PTPRG: variants seen among roughly 807,000 people sequenced by gnomAD.
PTPRG encodes protein tyrosine phosphatase receptor type G.
Under a neutral mutation model 165.3 loss-of-function variants are expected in PTPRG, and 102 were observed. The ratio of observed to expected loss-of-function variants is 0.62; its 90% confidence interval spans 0.53 to 0.73. The LOEUF (loss-of-function observed/expected upper bound fraction) is 0.73. PTPRG is among the 30% of genes least tolerant of loss of function. PTPRG has a pLI of 0.00. For missense variants in PTPRG, 1,866 were observed against 1,861.4 expected (o/e 1.00, Z -0.05); for synonymous variants, 675 against 669.5 (o/e 1.01, Z -0.13).
intron 2 of PTPRG, among the ~76,000 whole-genome samples, chr3:61,877,186 A>G (rs1303136897): frequency 1.3e-5 from 2 of 152,218 alleles, no homozygotes; most frequent in South Asian, 4.1e-4. Flanking sequence ...AAGAAAAATT[A>G]TATTTTAAAG....
chr3:61,722,639 A>G (rs1231932979), intron 1 of PTPRG, among the ~76,000 whole-genome samples: 2 of 152,216 alleles, frequency 1.3e-5, no homozygotes, highest in African/African-American at 2.4e-5. Flanking sequence ...AGTCAGTATC[A>G]AATTTCTAGT....
chr3:61,822,560 G>T (rs1465995138), intron 2 of PTPRG, among the ~76,000 whole-genome samples: 2 of 152,186 alleles, frequency 1.3e-5, no homozygotes, highest in African/African-American at 4.8e-5. Flanking sequence ...GATCTTTCCT[G>T]TTTGGAAAAA....
chr3:62,257,942 C>A (rs543845531), intron 16 of PTPRG, among the ~76,000 whole-genome samples: 1 of 152,134 alleles, frequency 6.6e-6, no homozygotes, highest in South Asian at 2.1e-4. Flanking sequence ...CCAGCCTGAG[C>A]GACAGAGCAA....
At chr3:62,235,950 G>A (rs76083700) in intron 14 of PTPRG, among the ~76,000 whole-genome samples, 5 of 152,070 alleles carry the variant, frequency 3.3e-5, no homozygotes, top group Non-Finnish European at 7.3e-5. Context: ...CTTGCCATTT[G>A]ATTATCCCCC....
rs117538552 is a variant in PTPRG at position 61,917,836 on chromosome 3, G to A, written c.191-71789G>A. Among the ~76,000 whole-genome samples, 130 of 152,304 alleles carry A rather than the reference G, an allele frequency of 8.5e-4. 2 individuals are homozygous for A. The East Asian group carries it at 0.02, about 24-fold the overall frequency. ...TAATCCTAGCTACCAGGAGGCTGCG[G>A]CAGAAGAATCACTTGAAGCCAAGAG... On this transcript the variant is annotated intron_variant, in intron 2 of 29. Transcript: ENST00000474889.
chr3:62,013,413 C>T (rs988539763), intron 4 of PTPRG, among the ~76,000 whole-genome samples: 4 of 152,118 alleles, frequency 2.6e-5, no homozygotes, highest in Non-Finnish European at 5.9e-5. Context: ...GACTTCTTCT[C>T]TTCCAACGGC....
chr3:61,839,762 G>T (rs1277256660), intron 2 of PTPRG, among the ~76,000 whole-genome samples: 5 of 152,120 alleles, frequency 3.3e-5, no homozygotes, highest in Non-Finnish European at 7.4e-5. Flanking sequence ...AAAAAGAATT[G>T]CTTTGGACAT....
chr3:61,897,882 A>C (rs909174232), intron 2 of PTPRG, among the ~76,000 whole-genome samples: 1 of 152,032 alleles, frequency 6.6e-6, no homozygotes, highest in African/African-American at 2.4e-5. Context: ...AATGTGATGG[A>C]CTTTTCAGGT....
chr3:61,624,284 TTCCTTCTGAG>T (rs1404861330), intron 1 of PTPRG, among the ~76,000 whole-genome samples: 1 of 152,140 alleles, frequency 6.6e-6, no homozygotes, highest in African/African-American at 2.4e-5. Flanking sequence ...CCCCTCCTCC[TTCCTTCTGAG>T]TCCTTGTATT....
At chr3:62,044,431 C>T (rs921853593) in intron 4 of PTPRG, among the ~76,000 whole-genome samples, 5 of 151,868 alleles carry the variant, frequency 3.3e-5, no homozygotes. Flanking sequence ...CCCAGCTACT[C>T]AGGAGGCTGA....
At chr3:61,963,295 C>A (rs990852256) in intron 2 of PTPRG, among the ~76,000 whole-genome samples, 1 of 151,718 alleles carries the variant, frequency 6.6e-6, no homozygotes, top group Non-Finnish European at 1.5e-5. Flanking sequence ...ATCTATGACC[C>A]CCAAAAAGGG....
chr3:61,836,920 TTTTC>T (rs984739287), intron 2 of PTPRG, among the ~76,000 whole-genome samples: 1 of 151,826 alleles, frequency 6.6e-6, no homozygotes, highest in African/African-American at 2.4e-5. Flanking sequence ...GATTTTTTTT[TTTTC>T]TTTTGAGATG....
At chr3:62,247,895 T>A (rs929563901) in intron 15 of PTPRG, among the ~76,000 whole-genome samples, 38 of 152,176 alleles carry the variant, frequency 2.5e-4, no homozygotes, top group African/African-American at 8.4e-4. Flanking sequence ...CCCTTTGAGA[T>A]AGCAGTTTAT....
intron 2 of PTPRG, among the ~76,000 whole-genome samples, chr3:61,898,485 G>A (rs2107515479): frequency 6.6e-6 from 1 of 152,230 alleles, no homozygotes; most frequent in Non-Finnish European, 1.5e-5. Context: ...TAGAGGTTAT[G>A]CTTTAGATAA....
At chr3:61,600,271 T>C (rs191910055) in intron 1 of PTPRG, among the ~76,000 whole-genome samples, 87 of 151,686 alleles carry the variant, frequency 5.7e-4, no homozygotes, top group Non-Finnish European at 1.1e-3. Flanking sequence ...CTTCTACTCA[T>C]CTTTTATTCC....
chr3:62,002,268 C>T (rs769378483), intron 3 of PTPRG, among the ~76,000 whole-genome samples: 3 of 152,154 alleles, frequency 2.0e-5, no homozygotes, highest in Admixed American at 2.0e-4. Flanking sequence ...CAGGATTTCT[C>T]GCTAAAGCTC....
chr3:61,564,563 A>T (rs1021723496), intron 1 of PTPRG, among the ~76,000 whole-genome samples: 3 of 152,198 alleles, frequency 2.0e-5, no homozygotes, highest in African/African-American at 7.2e-5. Flanking sequence ...GGGAAAGGAC[A>T]GTGGTGGGAG....
intron 2 of PTPRG, among the ~76,000 whole-genome samples, chr3:61,887,124 A>ATATG (rs2038063355): frequency 2.0e-4 from 1 of 5,016 alleles, no homozygotes; most frequent in Admixed American, 2.5e-3. Context: ...CATAGCATGC[A>ATATG]TATATATATA....
chr3:62,086,411 A>T (rs1701754747), intron 5 of PTPRG, among the ~76,000 whole-genome samples: 1 of 152,260 alleles, frequency 6.6e-6, no homozygotes, highest in South Asian at 2.1e-4. Context: ...AGACCCCCAG[A>T]AAAAAACAAG....
Sources: allele counts gnomAD v4.1 joint callset (sites outside exome capture counted in the v4.1 genomes callset), GRCh38; gene constraint gnomAD v4.1.1; transcripts MANE v1.5; gene names NCBI Gene and HGNC (gene_info 2026-07-23, HGNC 2026-07-21).